Variants in GAS2L2 observed in about 807,000 individuals in gnomAD.
GAS2L2 encodes the protein growth arrest specific 2 like 2, also known as GAS2-like protein 2.
GAS2L2 carries 21 observed loss-of-function variants against 35.2 expected under a neutral mutation model. The observed-to-expected ratio is 0.60, with a 90% confidence interval of 0.42 to 0.86. The LOEUF is 0.86. Ranked by LOEUF, GAS2L2 falls within the 40% of genes least tolerant of loss-of-function variation. The pLI, the probability that GAS2L2 is intolerant of heterozygous loss-of-function variation, is 0.00. For missense variants in GAS2L2, 1,169 were observed against 1,144.4 expected (o/e 1.02, Z -0.31); for synonymous variants, 490 against 473.2 (o/e 1.04, Z -0.46).
At chr17:35,747,384 G>C in intron 4 of GAS2L2, 116 bp from the exon 5 acceptor site, 1 of 1,219,298 alleles carries the variant, frequency 8.2e-7, no homozygotes, top group Non-Finnish European at 1.1e-6. Context: ...AAAACAGTGG[G>C]ACCTACAGTG....
chr17:35,749,401 T>C (rs1555599454), intron 2 of GAS2L2, among the ~76,000 whole-genome samples, 184 bp from the exon 3 acceptor site: 1 of 152,210 alleles, frequency 6.6e-6, no homozygotes, highest in Non-Finnish European at 1.5e-5. Context: ...TGGTCACCCA[T>C]GGACCTACCT....
At chr17:35,750,384 G>A in intron 1 of GAS2L2, 66 bp from the exon 2 acceptor site, 2 of 1,605,832 alleles carry the variant, frequency 1.2e-6, no homozygotes, top group East Asian at 2.2e-5. Flanking sequence ...GAGCCTCCGG[G>A]GCAGGGGCTA....
At position 35,750,002 on chromosome 17, in the gene GAS2L2, C is replaced by T. The variant is rs1598396019; in HGVS notation, c.627+75G>A. On this transcript the variant is annotated intron_variant, in intron 2 of 5. Transcript: ENST00000604641. ...CAAGAAGGGGGTGGGTTAGTGGGGG[C>T]TGGAGTGGGACTGGGGAGAGGAGCA... is the stretch of plus-strand genomic sequence containing the variant. The T allele has an allele frequency of 6.2e-6, 9 of 1,457,604 alleles. No homozygotes were observed. In the East Asian group the frequency reaches 1.9e-4, roughly 31 times the overall value. The allele number at this position is 1,457,604 out of a possible 1,614,324, so 90.3% of individuals were successfully genotyped here.
chr17:35,745,690 TACAGTA>T lies in GAS2L2; in HGVS notation c.1801_1806del (p.Tyr601_Cys602del). 1.2e-6 allele frequency: 2 copies of T among 1,613,996 alleles called. No homozygotes were observed. The highest frequency in any genetic ancestry group is 1.1e-5 in the South Asian group (1 of 91,088). ...TTGCCCAAAATCTCCTCTTCAAGGC[TACAGTA>T]GATGGCTTGCTCCTTGTTCCCGCCC... On this transcript the variant is annotated inframe_deletion, in exon 6 of 6. Coordinates refer to ENST00000604641, the MANE Select transcript of GAS2L2 (RefSeq NM_139285.4).
Position 35,746,429 on chromosome 17 carries a change from A to G in GAS2L2, c.1086-18T>C. On this transcript the variant is annotated intron_variant, in intron 5 of 5. Coordinates refer to ENST00000604641, the MANE Select transcript of GAS2L2 (RefSeq NM_139285.4). ...CCTGGCACCTGAAAGGGAGAATCACAAGGCTGCAAAGGGAGACTCATCAGG... is the reference window on the plus strand; with the variant it reads ...CCTGGCACCTGAAAGGGAGAATCACGAGGCTGCAAAGGGAGACTCATCAGG... 1 of 1,319,430 alleles carries G rather than the reference A, an allele frequency of 7.6e-7. No individual in the cohort carries two copies. Among genetic ancestry groups the G allele is most frequent in the Non-Finnish European group, 9.8e-7 (1 of 1,022,942 alleles). The allele number at this position is 1,319,430 out of a possible 1,614,324, so 81.7% of individuals were successfully genotyped here.
chr17:35,746,951 G>A lies in GAS2L2; in HGVS notation c.1085+65C>T. On this transcript the variant is annotated intron_variant, in intron 5 of 5. Transcript: ENST00000604641. ...GGATCTGCTCCTTTTATCTTGGAGT[G>A]TGGTGACCTCTGAGAATGTGCACTC... The A allele has an allele frequency of 2.7e-6, 4 of 1,460,578 alleles. No homozygotes were observed. The South Asian group carries it at 4.2e-5, about 15-fold the overall frequency. The allele number at this position is 1,460,578 out of a possible 1,614,324, so 90.5% of individuals were successfully genotyped here. A position where few individuals can be genotyped will look rare whatever the true frequency, so the allele number is the denominator to read the frequency against.
intron 3 of GAS2L2, among the ~76,000 whole-genome samples, chr17:35,748,670 G>C (rs587632297): frequency 6.6e-6 from 1 of 152,242 alleles, no homozygotes; most frequent in Non-Finnish European, 1.5e-5. Context: ...GGCTGGGGCC[G>C]TGCACTGAAA....
rs782417888 is a variant in GAS2L2 at position 35,752,707 on chromosome 17, C to T, written c.144G>A (p.Leu48=). The change falls in exon 1 of 6, where the codon CTG becomes CTA. Residue 48 remains leucine (L), a synonymous_variant. Transcript: ENST00000604641. The part of the protein sequence containing the change: ...LAEWLRDLYG[L]DIDAANFLQV... ...GCAGGAAGTTGGCTGCGTCGATGTC[C>T]AGCCCATAGAGGTCGCGAAGCCACT... The T allele has an allele frequency of 3.1e-6, 5 of 1,613,916 alleles. No individual in the cohort carries two copies. Among genetic ancestry groups the T allele is most frequent in the Non-Finnish European group, 2.5e-6 (3 of 1,180,042 alleles).
In GAS2L2 at chr17:35,745,843, C is replaced by A. The variant is rs2143021443; in HGVS notation, c.1654G>T (p.Asp552Tyr). Reference protein sequence around the residue: ...TVDLAGSTHGDCSVEVRQEDQ... With the variant: ...TVDLAGSTHGYCSVEVRQEDQ... ...TCCTGCCTCACTTCCACAGAGCAGT[C>A]CCCATGCGTGGACCCAGCCAGGTCC... The change falls in exon 6 of 6, where the codon GAC becomes TAC. Residue 552 changes from aspartate to tyrosine, a missense_variant. Physicochemically the swap from Asp to Tyr is radical, Grantham distance 160. Transcript: ENST00000604641. 7 of 1,613,876 alleles carry A rather than the reference C, an allele frequency of 4.3e-6. No homozygotes were observed. In the East Asian group the frequency reaches 1.1e-4, roughly 26 times the overall value.
Position 35,744,837 on chromosome 17 carries a change from C to G in GAS2L2, c.*17G>C. 6.5e-7 allele frequency: 1 copy of G among 1,547,722 alleles called. No homozygotes were observed. Among genetic ancestry groups the G allele is most frequent in the Non-Finnish European group, 8.8e-7 (1 of 1,141,872 alleles). Reference sequence around the variant, plus strand: ...CCATCCTTTTTGCTTCCCTCCTACCCAACACGCTCATGTGCCTCAGACCCA... The same window carrying G: ...CCATCCTTTTTGCTTCCCTCCTACCGAACACGCTCATGTGCCTCAGACCCA... On this transcript the variant is annotated 3_prime_UTR_variant, in exon 6 of 6. Coordinates refer to ENST00000604641, the MANE Select transcript of GAS2L2 (RefSeq NM_139285.4).
In GAS2L2 at chr17:35,750,287, C is replaced by A. The variant is rs781922164; in HGVS notation, c.417G>T (p.Val139=). 23 of 1,613,868 alleles carry A rather than the reference C, an allele frequency of 1.4e-5. No individual in the cohort carries two copies. The South Asian group carries it at 2.3e-4, about 16-fold the overall frequency. The change falls in exon 2 of 6, where the codon GTG becomes GTT. Residue 139 remains valine (V), a synonymous_variant. Transcript: ENST00000604641. ...CCACGTTCTTCACGTTCTTGCGCAG[C>A]ACCAAGTCCTCCGTCTCGAACATCA... ...EVLMFETEDL[V]LRKNVKNVVL...
In GAS2L2 at chr17:35,750,465, A is replaced by G. The variant is rs1225145564; in HGVS notation, c.386-147T>C. On this transcript the variant is annotated intron_variant, in intron 1 of 5. Coordinates refer to ENST00000604641, the MANE Select transcript of GAS2L2 (RefSeq NM_139285.4). Reference sequence around the variant, plus strand: ...CATGGGGAGTGGTTTGGGTCTCAGAATCTTGGGGTCAAGTCAGCCCCCTAG... The same window carrying G: ...CATGGGGAGTGGTTTGGGTCTCAGAGTCTTGGGGTCAAGTCAGCCCCCTAG... 40 of 1,137,536 alleles carry G rather than the reference A, an allele frequency of 3.5e-5. No individual in the cohort carries two copies. In the Admixed American group the frequency reaches 9.9e-4, roughly 28 times the overall value. The allele number at this position is 1,137,536 out of a possible 1,614,324, so 70.5% of individuals were successfully genotyped here.
At position 35,747,241 on chromosome 17, in the gene GAS2L2, G is replaced by A. The variant is rs2085674753; in HGVS notation, c.860C>T (p.Pro287Leu). Reference protein sequence around the residue: ...LSHKPGSFLKPPAPPVQHEVR... With the variant: ...LSHKPGSFLKLPAPPVQHEVR... ...TTCATGCTGCACTGGTGGGGCCGGG[G>A]GCTTCAGGAAGCTGCCTGGCTTGTG... Residue 287 changes from proline (P) to leucine (L), a missense_variant, in exon 5 of 6, where the codon CCC becomes CTC. Pro to Leu is a moderately conservative substitution (Grantham distance 98). Transcript: ENST00000604641. The A allele has an allele frequency of 6.2e-7, 1 of 1,612,526 alleles. No homozygotes were observed. Among genetic ancestry groups the A allele is most frequent in the South Asian group, 1.1e-5 (1 of 90,992 alleles).
chr17:35,748,102 C>T (rs1170708340), intron 3 of GAS2L2, among the ~76,000 whole-genome samples, 157 bp from the exon 4 acceptor site: 1 of 152,182 alleles, frequency 6.6e-6, no homozygotes, highest in Non-Finnish European at 1.5e-5. Flanking sequence ...GCCCGAATCT[C>T]CTCCTCCATG....
At position 35,750,295 on chromosome 17, in the gene GAS2L2, C is replaced by T; in HGVS notation, c.409G>A (p.Asp137Asn). ...TTCACGTTCTTGCGCAGCACCAAGT[C>T]CTCCGTCTCGAACATCAGCACCTCT... ...IQEVLMFETE[D>N]LVLRKNVKNV... Residue 137 changes from aspartate to asparagine, a missense_variant, in exon 2 of 6, where the codon GAC becomes AAC. By Grantham distance (23) the Asp-to-Asn change is conservative. Transcript: ENST00000604641. The T allele has an allele frequency of 6.2e-7, 1 of 1,613,876 alleles. No individual in the cohort carries two copies. Among genetic ancestry groups the T allele is most frequent in the Non-Finnish European group, 8.5e-7 (1 of 1,179,956 alleles).
rs375579111 is a variant in GAS2L2, at chr17:35,749,225, C to A, written c.628-8G>T. 6.3e-7 allele frequency: 1 copy of A among 1,599,732 alleles called. No homozygotes were observed. The highest frequency in any genetic ancestry group is 1.7e-5 in the Admixed American group (1 of 59,710). The stretch of plus-strand genomic sequence containing the variant: ...GCTCACAAGGCTCTGCACCTGCGGG[C>A]GGGTGGTGAACTCAGCCCTCTCCTT... On this transcript the variant is annotated splice_polypyrimidine_tract_variant and splice_region_variant and intron_variant, in intron 2 of 5. Transcript: ENST00000604641.
chr17:35,748,738 G>C (rs1397972978), intron 3 of GAS2L2, among the ~76,000 whole-genome samples: 4 of 152,186 alleles, frequency 2.6e-5, no homozygotes, highest in Non-Finnish European at 4.4e-5. Flanking sequence ...GGAGTGGAAT[G>C]GAAAAGTGTG....
Position 35,745,625 on chromosome 17 carries a change from G to A in GAS2L2, c.1872C>T (p.Gly624=). ...TGCGAGGGATGACCCCAGACCTTGT[G>A]CCCTGCGGACAGGCACTCCTGACTT... ...LLEVRSACPQ[G]TRSGVIPRSG... The change falls in exon 6 of 6, where the codon GGC becomes GGT. Residue 624 remains glycine (G), a synonymous_variant. Coordinates refer to ENST00000604641, the MANE Select transcript of GAS2L2 (RefSeq NM_139285.4). 1 of 1,613,940 alleles carries A rather than the reference G, an allele frequency of 6.2e-7. No homozygotes were observed. The highest frequency in any genetic ancestry group is 8.5e-7 in the Non-Finnish European group (1 of 1,180,032).
intron 1 of GAS2L2, among the ~76,000 whole-genome samples, chr17:35,752,166 C>T (rs139700000): frequency 2.8e-4 from 42 of 152,286 alleles, no homozygotes; most frequent in Middle Eastern, 3.4e-3. Context: ...ATTTGTTGGG[C>T]GCTGGGTCTC....
Sources: gnomAD v4.1 joint callset for allele counts (sites outside exome capture counted in the v4.1 genomes callset) on GRCh38, gnomAD v4.1.1 for gene constraint, MANE v1.5 for transcripts, NCBI Gene and HGNC (gene_info 2026-07-23, HGNC 2026-07-21) for gene names.